The following GRIK2 variants were observed in gnomAD, a reference collection of about 807,000 sequenced individuals.
GRIK2 encodes glutamate receptor ionotropic, kainate 2.
GRIK2 carries 32 observed loss-of-function variants against 100.3 expected under a neutral mutation model. The observed-to-expected ratio is 0.32, with a 90% confidence interval of 0.24 to 0.43. GRIK2 has a LOEUF of 0.43. Ranked by LOEUF, GRIK2 falls within the 20% of genes least tolerant of loss-of-function variation. The pLI is 1.00. For missense variants in GRIK2, 843 were observed against 1,114.9 expected (o/e 0.76, Z 3.47); for synonymous variants, 417 against 389.4 (o/e 1.07, Z -0.83).
intron 14 of GRIK2, among the ~76,000 whole-genome samples, chr6:101,969,968 C>T (rs531543824): frequency 6.6e-5 from 10 of 152,002 alleles, no homozygotes; most frequent in African/African-American, 2.2e-4. Context: ...GTCTCTTTTT[C>T]CTATAATGTT....
At chr6:101,427,561 G>A (rs1313559066) in intron 2 of GRIK2, among the ~76,000 whole-genome samples, 1 of 152,182 alleles carries the variant, frequency 6.6e-6, no homozygotes, top group Non-Finnish European at 1.5e-5. Flanking sequence ...GAACAACTAA[G>A]CTGGCACAAT....
intron 10 of GRIK2, among the ~76,000 whole-genome samples, chr6:101,819,952 G>A (rs1781855623): frequency 6.6e-6 from 1 of 152,018 alleles, no homozygotes; most frequent in South Asian, 2.1e-4. Context: ...CCATTAAAAA[G>A]CCAACAAATT....
At chr6:101,544,497 C>T (rs1356771073) in intron 2 of GRIK2, among the ~76,000 whole-genome samples, 1 of 152,128 alleles carries the variant, frequency 6.6e-6, no homozygotes, top group Non-Finnish European at 1.5e-5. Context: ...TTTGTTGCTT[C>T]TCGAAGACTT....
At chr6:101,463,194 G>A (rs1771431235) in intron 2 of GRIK2, among the ~76,000 whole-genome samples, 1 of 151,980 alleles carries the variant, frequency 6.6e-6, no homozygotes, top group South Asian at 2.1e-4. Context: ...ACATTTTACA[G>A]GCAGTGTTTT....
chr6:101,442,490 G>A (rs535729255), intron 2 of GRIK2, among the ~76,000 whole-genome samples: 2 of 152,110 alleles, frequency 1.3e-5, no homozygotes, highest in African/African-American at 4.8e-5. Flanking sequence ...GGCTGTCTCC[G>A]AACCTTAATA....
chr6:101,447,844 T>G (rs1236801071), intron 2 of GRIK2, among the ~76,000 whole-genome samples: 1 of 151,730 alleles, frequency 6.6e-6, no homozygotes, highest in Non-Finnish European at 1.5e-5. Flanking sequence ...GTACTTAAGA[T>G]TTGTAACTTA....
intron 2 of GRIK2, among the ~76,000 whole-genome samples, chr6:101,547,677 C>G (rs999228371): frequency 6.6e-6 from 1 of 152,092 alleles, no homozygotes; most frequent in East Asian, 1.9e-4. Context: ...GCATAGTATT[C>G]CATGGTGTAT....
At chr6:101,771,289 C>T (rs1778387247) in intron 7 of GRIK2, among the ~76,000 whole-genome samples, 1 of 151,634 alleles carries the variant, frequency 6.6e-6, no homozygotes. Flanking sequence ...CTTTTATAGA[C>T]AAAAAGTACA....
At chr6:101,673,433 T>C (rs1016454987) in intron 4 of GRIK2, among the ~76,000 whole-genome samples, 4 of 152,164 alleles carry the variant, frequency 2.6e-5, no homozygotes, top group Non-Finnish European at 5.9e-5. Context: ...GTGGGCACTT[T>C]TCACAGCTCT....
intron 2 of GRIK2, among the ~76,000 whole-genome samples, chr6:101,507,019 AC>A (rs1290486847): frequency 6.6e-6 from 1 of 152,062 alleles, no homozygotes; most frequent in Non-Finnish European, 1.5e-5. Flanking sequence ...GGCAGTTAAG[AC>A]CACTATGTTT....
Position 101,839,333 on chromosome 6 carries a change from CAGAT to C in GRIK2, c.1318-19951_1318-19948del, listed in dbSNP as rs1783354228. On this transcript the variant is annotated intron_variant, in intron 10 of 16. Coordinates refer to ENST00000369134, the MANE Select transcript of GRIK2 (RefSeq NM_021956.5). ...GGTGAAGAAGGAATGTAAGATATTT[CAGAT>C]AGTGGGGAAAAGTATATTTGAAGGC... Among the ~76,000 whole-genome samples the C allele has an allele frequency of 2.6e-5, 4 of 152,170 alleles. No homozygotes were observed. In the South Asian group the frequency reaches 8.3e-4, roughly 32 times the overall value.
At chr6:101,456,909 A>T (rs1436782678) in intron 2 of GRIK2, among the ~76,000 whole-genome samples, 2 of 152,168 alleles carry the variant, frequency 1.3e-5, no homozygotes, top group Admixed American at 1.3e-4. Context: ...TAGAGGACAA[A>T]TCTAGAGTAC....
At chr6:102,018,251 T>G (rs1471848522) in intron 14 of GRIK2, among the ~76,000 whole-genome samples, 1 of 152,132 alleles carries the variant, frequency 6.6e-6, no homozygotes, top group Non-Finnish European at 1.5e-5. Context: ...CGCAGATCCC[T>G]CCTCTGTTTC....
At chr6:101,799,816 C>T in intron 8 of GRIK2, 25 bp downstream of exon 8, 1 of 1,589,274 alleles carries the variant, frequency 6.3e-7, no homozygotes, top group Non-Finnish European at 8.6e-7. Flanking sequence ...GAACATCTGC[C>T]TTGTCTCTTT....
intron 7 of GRIK2, among the ~76,000 whole-genome samples, chr6:101,780,283 T>G (rs1341220313): frequency 6.6e-6 from 1 of 152,116 alleles, no homozygotes; most frequent in East Asian, 1.9e-4. Flanking sequence ...TTTCCCCTCC[T>G]TTGCCCATCA....
intron 7 of GRIK2, among the ~76,000 whole-genome samples, chr6:101,768,368 A>C (rs961488372): frequency 1.4e-4 from 22 of 152,304 alleles, no homozygotes; most frequent in African/African-American, 5.3e-4. Flanking sequence ...GGTGTTTGAC[A>C]TGCATTTTCA....
intron 1 of GRIK2, among the ~76,000 whole-genome samples, chr6:101,397,640 C>A (rs1775064278): frequency 6.6e-6 from 1 of 151,272 alleles, no homozygotes; most frequent in African/African-American, 2.4e-5. Context: ...TAAAAAATCG[C>A]TGTAAGGAAA....
chr6:101,524,670 T>A (rs1172123277), intron 2 of GRIK2, among the ~76,000 whole-genome samples: 1 of 152,042 alleles, frequency 6.6e-6, no homozygotes. Context: ...TTTTACAAAT[T>A]GATTCCTCCT....
chr6:101,797,387 C>T (rs953714610), intron 7 of GRIK2, among the ~76,000 whole-genome samples: 15 of 151,790 alleles, frequency 9.9e-5, no homozygotes, highest in African/African-American at 3.6e-4. Context: ...TGGGCTTCCC[C>T]ACTTGTTAGC....
Sources: gnomAD v4.1 joint callset for allele counts (sites outside exome capture counted in the v4.1 genomes callset) on GRCh38, gnomAD v4.1.1 for gene constraint, MANE v1.5 for transcripts, NCBI Gene and HGNC (gene_info 2026-07-23, HGNC 2026-07-21) for gene names.